PRKG2: variants seen among roughly 807,000 people sequenced by gnomAD.
The protein encoded by PRKG2 is protein kinase cGMP-dependent 2.
Under a neutral mutation model 97.2 loss-of-function variants are expected in PRKG2, and 33 were observed. The observed-to-expected ratio is 0.34, with a 90% CI of 0.26 to 0.45. The LOEUF (loss-of-function observed/expected upper bound fraction) is 0.45. Among genes scored for constraint, PRKG2 ranks in the 20% least tolerant of loss-of-function variants. The pLI, the probability that PRKG2 is intolerant of heterozygous loss-of-function variation, is 1.00. For synonymous variants in PRKG2, 330 were observed against 321.8 expected (o/e 1.03, Z -0.27); for missense variants, 638 against 900.0 (o/e 0.71, Z 3.73).
At chr4:81,159,372 T>A (rs1749408463) in intron 6 of PRKG2, among the ~76,000 whole-genome samples, 3 of 152,172 alleles carry the variant, frequency 2.0e-5, no homozygotes, top group African/African-American at 7.2e-5. Context: ...TCATCATCAC[T>A]GGCCATCAGA....
At chr4:81,182,649 T>G in intron 2 of PRKG2, among the ~76,000 whole-genome samples, 1 of 151,906 alleles carries the variant, frequency 6.6e-6, no homozygotes. Flanking sequence ...ATGTGAAAAA[T>G]TCAAAAGAAA....
chr4:81,129,617 T>C (rs776940681), intron 14 of PRKG2, among the ~76,000 whole-genome samples: 20 of 152,130 alleles, frequency 1.3e-4, no homozygotes, highest in Admixed American at 3.9e-4. Flanking sequence ...TTATCTTTGT[T>C]GGTTTAAAGT....
At chr4:81,102,769 G>A in intron 17 of PRKG2, among the ~76,000 whole-genome samples, 1 of 152,100 alleles carries the variant, frequency 6.6e-6, no homozygotes, top group Non-Finnish European at 1.5e-5. Context: ...CAGTAAAATT[G>A]GCAGGTTGAT....
chr4:81,141,979 G>C (rs535510716), intron 11 of PRKG2, among the ~76,000 whole-genome samples: 92 of 152,224 alleles, frequency 6.0e-4, no homozygotes, highest in African/African-American at 2.2e-3. Flanking sequence ...AGACCAACAG[G>C]TCAGCAGAGT....
Position 81,138,571 on chromosome 4 carries a change from GA to G in PRKG2, c.1545-1090del, listed in dbSNP as rs58853629. Among the ~76,000 whole-genome samples the G allele has an allele frequency of 1.3e-3, 197 of 149,662 alleles. 1 individual carries two copies. The highest frequency in any genetic ancestry group is 0.01 in the Middle Eastern group (3 of 292). The stretch of plus-strand genomic sequence containing the variant: ...TGTATATTATTGATATATATTCATT[GA>G]AAAAAAAATATCCATTTTATTCTAA... On this transcript the variant is annotated intron_variant, in intron 12 of 18. Transcript: ENST00000264399.
intron 14 of PRKG2, among the ~76,000 whole-genome samples, chr4:81,116,543 A>G (rs185486727): frequency 1.3e-5 from 2 of 152,292 alleles, no homozygotes; most frequent in Admixed American, 6.5e-5. Context: ...TATATACCCA[A>G]TAATGAGACT....
chr4:81,138,946 G>A (rs1330552649), intron 12 of PRKG2, among the ~76,000 whole-genome samples: 1 of 152,138 alleles, frequency 6.6e-6, no homozygotes, highest in Non-Finnish European at 1.5e-5. Flanking sequence ...CTGGAAAGAT[G>A]GATAGGGAGA....
intron 6 of PRKG2, among the ~76,000 whole-genome samples, chr4:81,163,260 C>T (rs184631468): frequency 5.9e-5 from 9 of 152,204 alleles, no homozygotes; most frequent in African/African-American, 2.2e-4. Context: ...CCAGTGTTTG[C>T]CAACTGGGGA....
intron 3 of PRKG2, chr4:81,173,955 C>G (rs530170818): frequency 3.3e-5 from 5 of 152,010 alleles, no homozygotes; most frequent in African/African-American, 9.6e-5. Context: ...ACTTTTTTCC[C>G]TAAAACTCAA....
chr4:81,170,940 A>AT (rs77611035), intron 4 of PRKG2, among the ~76,000 whole-genome samples: 16,613 of 152,126 alleles, frequency 0.11, 1,104 homozygotes, highest in Middle Eastern at 0.21. Flanking sequence ...TAAAGCAAAT[A>AT]TGGAATCAGT....
At chr4:81,148,304 T>C (rs866744637) in intron 9 of PRKG2, among the ~76,000 whole-genome samples, 7 of 152,122 alleles carry the variant, frequency 4.6e-5, no homozygotes, top group African/African-American at 1.7e-4. Flanking sequence ...AGTTGATTAA[T>C]GAGAAACCCA....
chr4:81,113,967 T>C (rs1264210998), intron 14 of PRKG2, among the ~76,000 whole-genome samples: 5 of 152,178 alleles, frequency 3.3e-5, no homozygotes, highest in Non-Finnish European at 7.3e-5. Flanking sequence ...AATGAGTCTT[T>C]CCAAGTAATG....
At chr4:81,106,752 G>T (rs556502940) in intron 15 of PRKG2, among the ~76,000 whole-genome samples, 25 of 152,312 alleles carry the variant, frequency 1.6e-4, no homozygotes, top group Admixed American at 1.4e-3. Flanking sequence ...TGGAGGTGAG[G>T]CCTGTGGGAG....
intron 14 of PRKG2, among the ~76,000 whole-genome samples, chr4:81,111,947 T>C (rs1744033259): frequency 6.6e-6 from 1 of 152,176 alleles, no homozygotes; most frequent in Admixed American, 6.5e-5. Context: ...CCTTTCTCAA[T>C]AATACAGCAA....
rs576537235 is a variant in PRKG2 at position 81,153,716 on chromosome 4, G to A, written c.918C>T (p.Tyr306=). 23 of 1,603,392 alleles carry A rather than the reference G, an allele frequency of 1.4e-5. No homozygotes were observed. The East Asian group carries it at 4.2e-4, about 30-fold the overall frequency. Residue 306 remains tyrosine, a synonymous_variant, in exon 7 of 19, where the codon TAC becomes TAT. Transcript: ENST00000264399. The part of the protein sequence containing the change: ...TKIIDCLEVE[Y]YDKGDYIIRE... ...TAATGATGTAATCTCCTTTGTCATA[G>A]TATTCCTGTTGGGATGAGAGAGAAA...
intron 1 of PRKG2, among the ~76,000 whole-genome samples, chr4:81,211,672 G>A (rs1244614796): frequency 1.3e-5 from 2 of 152,114 alleles, no homozygotes; most frequent in Admixed American, 6.5e-5. Flanking sequence ...GGAGGTGATA[G>A]TTTAAGGATT....
At chr4:81,210,717 T>C (rs1753924350) in intron 1 of PRKG2, among the ~76,000 whole-genome samples, 1 of 152,190 alleles carries the variant, frequency 6.6e-6, no homozygotes, top group South Asian at 2.1e-4. Context: ...ACCCAACTGA[T>C]ATGAGACATA....
At chr4:81,169,971 T>C (rs140257563) in intron 4 of PRKG2, among the ~76,000 whole-genome samples, 1 of 152,180 alleles carries the variant, frequency 6.6e-6, no homozygotes, top group East Asian at 1.9e-4. Context: ...TACACTATTA[T>C]TTGGAAATGA....
In PRKG2 at chr4:81,179,276, C is replaced by A. The variant is rs181980958; in HGVS notation, c.462-4317G>T. ...CTACCATAGTCAAATTGCTGAAAAA[C>A]CAAATACAATGAGAAAACTCTAAAA... On this transcript the variant is annotated intron_variant, in intron 2 of 18. Coordinates refer to ENST00000264399, the MANE Select transcript of PRKG2 (RefSeq NM_006259.3). Among the ~76,000 whole-genome samples, 285 of 145,206 alleles carry A rather than the reference C, an allele frequency of 2.0e-3. 1 individual carries two copies. The highest frequency in any genetic ancestry group is 7.3e-3 in the African/African-American group (262 of 35,658).
Sources: gnomAD v4.1 joint callset for allele counts (sites outside exome capture counted in the v4.1 genomes callset) on GRCh38, gnomAD v4.1.1 for gene constraint, MANE v1.5 for transcripts, NCBI Gene and HGNC (gene_info 2026-07-23, HGNC 2026-07-21) for gene names.